The following BMPR1B variants were observed in gnomAD, a reference collection of about 807,000 sequenced individuals.
BMPR1B encodes bone morphogenetic protein receptor type 1B.
In BMPR1B, 12 loss-of-function variants were observed where a neutral mutation model predicts 59.1. That is an observed-to-expected ratio of 0.20 (90% confidence interval 0.13 to 0.33). The LOEUF is 0.33. BMPR1B is among the 10% of genes least tolerant of loss of function. The pLI is 1.00. For missense variants in BMPR1B, 550 were observed against 610.9 expected (o/e 0.90, Z 1.05); for synonymous variants, 237 against 207.3 (o/e 1.14, Z -1.23).
chr4:95,071,642 GTGTGTGTGTGTA>G (rs1728285450), intron 3 of BMPR1B, among the ~76,000 whole-genome samples: 1 of 83,440 alleles, frequency 1.2e-5, no homozygotes, highest in Non-Finnish European at 2.2e-5. Context: ...TTGTGTGTGT[GTGTGTGTGTGTA>G]TATATATATA....
chr4:95,088,910 G>A (rs1158368), intron 3 of BMPR1B, among the ~76,000 whole-genome samples: 93,759 of 151,876 alleles, frequency 0.62, 29,781 homozygotes, highest in South Asian at 0.72. Flanking sequence ...GAAGATAGAG[G>A]ATTCTGTAGG....
chr4:94,976,195 G>T (rs1388894953), intron 2 of BMPR1B, among the ~76,000 whole-genome samples: 1 of 152,150 alleles, frequency 6.6e-6, no homozygotes, highest in Admixed American at 6.6e-5. Context: ...TAGCATGGCA[G>T]CCCCAAGGCA....
chr4:94,766,946 G>A (rs1284940127), intron 1 of BMPR1B, among the ~76,000 whole-genome samples: 1 of 152,114 alleles, frequency 6.6e-6, no homozygotes, highest in Non-Finnish European at 1.5e-5. Flanking sequence ...TCTAGAATGA[G>A]TTTCTCCCTT....
chr4:94,896,740 G>A (rs1727602084), intron 2 of BMPR1B, among the ~76,000 whole-genome samples: 1 of 151,920 alleles, frequency 6.6e-6, no homozygotes, highest in Admixed American at 6.6e-5. Flanking sequence ...GTATAAGCAA[G>A]CCTTTGTAGA....
chr4:94,907,480 G>C (rs1277794219), intron 2 of BMPR1B, among the ~76,000 whole-genome samples: 1 of 152,018 alleles, frequency 6.6e-6, no homozygotes, highest in Non-Finnish European at 1.5e-5. Flanking sequence ...ATAAGGTAAT[G>C]CCTGTGCATA....
chr4:95,030,360 T>G (rs1403318641), intron 3 of BMPR1B, among the ~76,000 whole-genome samples: 2 of 152,114 alleles, frequency 1.3e-5, no homozygotes, highest in African/African-American at 2.4e-5. Context: ...CCAGCACCAT[T>G]TATTAAATAG....
At chr4:95,021,135 G>A (rs1723951920) in intron 3 of BMPR1B, among the ~76,000 whole-genome samples, 2 of 152,176 alleles carry the variant, frequency 1.3e-5, no homozygotes, top group Admixed American at 1.3e-4. Flanking sequence ...GTAACAAATA[G>A]CGTATTCCTA....
At chr4:95,037,837 T>G (rs1230183414) in intron 3 of BMPR1B, among the ~76,000 whole-genome samples, 1 of 152,104 alleles carries the variant, frequency 6.6e-6, no homozygotes, top group Non-Finnish European at 1.5e-5. Context: ...ACTTCTTGAA[T>G]ACGTATTACA....
intron 4 of BMPR1B, 112 bp downstream of exon 4, chr4:95,104,679 A>G: frequency 7.8e-7 from 1 of 1,284,646 alleles, no homozygotes; most frequent in Non-Finnish European, 1.1e-6. Context: ...AATGCCTAAC[A>G]CTATCGTAAA....
intron 6 of BMPR1B, among the ~76,000 whole-genome samples, chr4:95,123,016 T>C (rs1356737254): frequency 6.6e-6 from 1 of 152,124 alleles, no homozygotes; most frequent in Non-Finnish European, 1.5e-5. Context: ...AAAATTTACC[T>C]GGGATGATTA....
chr4:95,039,704 G>C (rs1310043471), intron 3 of BMPR1B, among the ~76,000 whole-genome samples: 1 of 152,188 alleles, frequency 6.6e-6, no homozygotes, highest in Non-Finnish European at 1.5e-5. Flanking sequence ...TGCAGCCCAT[G>C]CTTGGCCATG....
At chr4:94,996,955 G>A (rs575081558) in intron 3 of BMPR1B, among the ~76,000 whole-genome samples, 8 of 152,226 alleles carry the variant, frequency 5.3e-5, no homozygotes, top group African/African-American at 1.9e-4. Flanking sequence ...ATCATTAAAA[G>A]CATTGGCACT....
intron 1 of BMPR1B, among the ~76,000 whole-genome samples, chr4:94,806,197 G>T (rs1578664944): frequency 6.6e-6 from 1 of 152,022 alleles, no homozygotes; most frequent in South Asian, 2.1e-4. Flanking sequence ...ATTGTAATGG[G>T]GTATATGAAA....
chr4:94,877,661 G>C (rs1319774719), intron 2 of BMPR1B, among the ~76,000 whole-genome samples: 1 of 152,208 alleles, frequency 6.6e-6, no homozygotes, highest in East Asian at 1.9e-4. Context: ...TGCCAGAACA[G>C]TGGGAATGGC....
At chr4:94,844,253 G>GTT (rs954629075) in intron 1 of BMPR1B, among the ~76,000 whole-genome samples, 2 of 128,688 alleles carry the variant, frequency 1.6e-5, no homozygotes, top group African/African-American at 6.6e-5. Context: ...GTGTGTGTGT[G>GTT]TGTGAATCTT....
At chr4:94,884,482 T>G (rs61588206) in intron 2 of BMPR1B, among the ~76,000 whole-genome samples, 4,344 of 151,980 alleles carry the variant, frequency 0.029, 193 homozygotes, top group African/African-American at 0.099. Context: ...GCCAAGATGG[T>G]GCCATTGCAC....
At chr4:94,948,883 G>A (rs1402983780) in intron 2 of BMPR1B, among the ~76,000 whole-genome samples, 1 of 152,196 alleles carries the variant, frequency 6.6e-6, no homozygotes, top group Non-Finnish European at 1.5e-5. Flanking sequence ...TTGCCAAGGA[G>A]TGTGGGTGTT....
chr4:94,820,623 A>G (rs1266169487), intron 1 of BMPR1B, among the ~76,000 whole-genome samples: 1 of 152,236 alleles, frequency 6.6e-6, no homozygotes, highest in African/African-American at 2.4e-5. Context: ...AGAGATCAGA[A>G]CTTTGAAGGA....
chr4:94,919,667 G>A (rs942378908), intron 2 of BMPR1B, among the ~76,000 whole-genome samples: 1 of 152,090 alleles, frequency 6.6e-6, no homozygotes, highest in African/African-American at 2.4e-5. Flanking sequence ...CAAGGAGCAG[G>A]CCTTCTTTCT....
Sources: gnomAD v4.1 joint callset for allele counts (sites outside exome capture counted in the v4.1 genomes callset) on GRCh38, gnomAD v4.1.1 for gene constraint, MANE v1.5 for transcripts, NCBI Gene and HGNC (gene_info 2026-07-23, HGNC 2026-07-21) for gene names.